Variants in LUZP2 observed in about 807,000 individuals in gnomAD.
LUZP2 encodes leucine zipper protein 2.
In LUZP2, 52 loss-of-function variants were observed where a neutral mutation model predicts 51.6. The ratio of observed to expected loss-of-function variants is 1.01; its 90% confidence interval spans 0.81 to 1.27. LUZP2 has a LOEUF of 1.27. Among genes scored for constraint, LUZP2 ranks in the 50% most tolerant of loss-of-function variants. LUZP2 has a pLI of 0.00. For synonymous variants in LUZP2, 154 were observed against 137.3 expected, an observed-to-expected ratio of 1.12 and a Z score of -0.85; for missense variants, 436 against 395.4, an observed-to-expected ratio of 1.10 and a Z score of -0.87.
intron 7 of LUZP2, among the ~76,000 whole-genome samples, chr11:24,926,355 ACGTGTG>A (rs1854249573): frequency 1.4e-5 from 1 of 71,774 alleles, no homozygotes; most frequent in African/African-American, 6.6e-5. Flanking sequence ...GTATATATAT[ACGTGTG>A]TATATATATA....
intron 7 of LUZP2, among the ~76,000 whole-genome samples, chr11:24,971,500 G>A (rs564424114): frequency 6.6e-6 from 1 of 152,168 alleles, no homozygotes; most frequent in Admixed American, 6.5e-5. Flanking sequence ...GGTGGAGGGA[G>A]GAGGTTAGGT....
intron 1 of LUZP2, among the ~76,000 whole-genome samples, chr11:24,581,304 T>C (rs1277325008): frequency 6.6e-6 from 1 of 152,126 alleles, no homozygotes; most frequent in Non-Finnish European, 1.5e-5. Flanking sequence ...TCCTAGTTTG[T>C]GCATCTCCAA....
At chr11:24,842,309 AT>A (rs1180397031) in intron 5 of LUZP2, among the ~76,000 whole-genome samples, 1 of 150,382 alleles carries the variant, frequency 6.6e-6, no homozygotes, top group Non-Finnish European at 1.5e-5. Flanking sequence ...TGTATAGTAA[AT>A]TAAATATATT....
At chr11:24,965,980 G>A (rs1855570625) in intron 7 of LUZP2, among the ~76,000 whole-genome samples, 1 of 151,706 alleles carries the variant, frequency 6.6e-6, no homozygotes, top group African/African-American at 2.4e-5. Context: ...TGTGACTCAT[G>A]GATCATTAAT....
chr11:24,617,352 T>A (rs116581369), intron 1 of LUZP2, among the ~76,000 whole-genome samples: 3,425 of 152,276 alleles, frequency 0.022, 137 homozygotes, highest in African/African-American at 0.078. Context: ...CCTCCTCTCT[T>A]TTCATTTGTT....
chr11:25,058,095 A>G (rs1336079697), intron 10 of LUZP2, among the ~76,000 whole-genome samples: 1 of 152,116 alleles, frequency 6.6e-6, no homozygotes, highest in Non-Finnish European at 1.5e-5. Context: ...ATTCTGGGCT[A>G]CATTCCATCA....
intron 4 of LUZP2, among the ~76,000 whole-genome samples, chr11:24,761,322 A>G (rs757890399): frequency 6.6e-6 from 1 of 152,098 alleles, no homozygotes; most frequent in Non-Finnish European, 1.5e-5. Flanking sequence ...AAACAATCAT[A>G]TCTCATAATA....
chr11:24,911,328 G>T (rs1023620176), intron 6 of LUZP2, among the ~76,000 whole-genome samples: 2 of 152,084 alleles, frequency 1.3e-5, no homozygotes, highest in African/African-American at 2.4e-5. Flanking sequence ...CATGAGATTT[G>T]GGAGGGGCTG....
intron 5 of LUZP2, among the ~76,000 whole-genome samples, chr11:24,785,621 C>G (rs1849223789): frequency 6.6e-6 from 1 of 151,758 alleles, no homozygotes; most frequent in African/African-American, 2.4e-5. Context: ...CAAGATGACC[C>G]TGGTAGTCAA....
intron 10 of LUZP2, among the ~76,000 whole-genome samples, chr11:25,055,463 G>T (rs1590882238): frequency 6.6e-6 from 1 of 151,834 alleles, no homozygotes; most frequent in Admixed American, 6.6e-5. Context: ...ATTGTTAATT[G>T]CTATATATAT....
At chr11:24,644,604 A>G (rs1565049610) in intron 1 of LUZP2, among the ~76,000 whole-genome samples, 3 of 151,868 alleles carry the variant, frequency 2.0e-5, no homozygotes, top group Non-Finnish European at 4.4e-5. Context: ...CATGTAGATC[A>G]CAAAGCAAAT....
chr11:24,926,321 G>A (rs867801495), intron 7 of LUZP2, among the ~76,000 whole-genome samples: 41 of 62,666 alleles, frequency 6.5e-4, no homozygotes, highest in South Asian at 2.6e-3. Flanking sequence ...ATATATATAC[G>A]TGTGTGTATA....
At chr11:24,834,430 CTTTT>C (rs1322232644) in intron 5 of LUZP2, among the ~76,000 whole-genome samples, 3 of 152,112 alleles carry the variant, frequency 2.0e-5, no homozygotes, top group African/African-American at 7.2e-5. Context: ...TGATCTCATT[CTTTT>C]TATGCCTGCA....
Position 24,512,524 on chromosome 11 carries a change from T to C in LUZP2, c.62+15219T>C, listed in dbSNP as rs1850342647. 2.0e-5 allele frequency among the ~76,000 whole-genome samples: 3 copies of C among 152,178 alleles called. No individual in the cohort carries two copies. The South Asian group carries it at 6.2e-4, about 31-fold the overall frequency. On this transcript the variant is annotated intron_variant, in intron 1 of 11. Transcript: ENST00000336930. ...CATCATAATCATGAAGTTACCTAAGTATGTAAAGTTTTTCAGAAAAATGAC... is the reference window on the plus strand; with the variant it reads ...CATCATAATCATGAAGTTACCTAAGCATGTAAAGTTTTTCAGAAAAATGAC...
intron 1 of LUZP2, among the ~76,000 whole-genome samples, chr11:24,617,257 T>C (rs1854320242): frequency 6.6e-6 from 1 of 152,118 alleles, no homozygotes; most frequent in South Asian, 2.1e-4. Flanking sequence ...CATGAGCCTA[T>C]TTGTTGAGTT....
chr11:24,585,362 A>G (rs879634398), intron 1 of LUZP2, among the ~76,000 whole-genome samples: 1 of 152,200 alleles, frequency 6.6e-6, no homozygotes, highest in Admixed American at 6.6e-5. Flanking sequence ...GCCAGAATTC[A>G]GAACTGAGAC....
At chr11:24,702,781 A>C (rs1477828834) in intron 1 of LUZP2, among the ~76,000 whole-genome samples, 2 of 151,644 alleles carry the variant, frequency 1.3e-5, no homozygotes, top group Non-Finnish European at 2.9e-5. Flanking sequence ...CTTCTATGTG[A>C]GTGTTGTCAT....
intron 9 of LUZP2, among the ~76,000 whole-genome samples, chr11:24,988,122 G>C (rs1856238507): frequency 6.6e-6 from 1 of 151,898 alleles, no homozygotes; most frequent in South Asian, 2.1e-4. Context: ...ATAATACAGA[G>C]GTGATCAATT....
At chr11:24,972,545 T>C (rs1855771732) in intron 7 of LUZP2, among the ~76,000 whole-genome samples, 1 of 152,160 alleles carries the variant, frequency 6.6e-6, no homozygotes, top group Admixed American at 6.5e-5. Flanking sequence ...CCATATTTGT[T>C]TTGCTGTCTC....
Sources: allele counts gnomAD v4.1 joint callset (sites outside exome capture counted in the v4.1 genomes callset), GRCh38; gene constraint gnomAD v4.1.1; transcripts MANE v1.5; gene names NCBI Gene and HGNC (gene_info 2026-07-23, HGNC 2026-07-21).